MYBPC1: variants seen among roughly 807,000 people sequenced by gnomAD.
MYBPC1 encodes the protein myosin-binding protein C, slow-type.
A neutral mutation model predicts 147.1 loss-of-function variants in MYBPC1; 52 were observed. The ratio of observed to expected loss-of-function variants is 0.35; its 90% CI spans 0.28 to 0.45. The LOEUF is 0.45. Among genes scored for constraint, MYBPC1 ranks in the 20% least tolerant of loss-of-function variants. MYBPC1 has a pLI of 1.00. For missense variants in MYBPC1, 1,228 were observed against 1,440.3 expected, an observed-to-expected ratio of 0.85 and a Z score of 2.39; for synonymous variants, 477 against 475.9, an observed-to-expected ratio of 1.00 and a Z score of -0.03.
chr12:101,611,677 A>G (rs1884316785), intron 1 of MYBPC1, among the ~76,000 whole-genome samples: 1 of 152,242 alleles, frequency 6.6e-6, no homozygotes, highest in Admixed American at 6.5e-5. Context: ...GAGAAACAGA[A>G]ACATAAATAT....
chr12:101,695,056 T>C, the MYBPC1 span, among the ~76,000 whole-genome samples: 1 of 152,224 alleles, frequency 6.6e-6, no homozygotes, highest in Non-Finnish European at 1.5e-5. Context: ...ACACACATCT[T>C]CAACTTCACC....
rs1889355517 is a variant in MYBPC1, at chr12:101,629,437, G to C, written c.182G>C (p.Trp61Ser). The C allele has an allele frequency of 6.2e-7, 1 of 1,604,254 alleles. No individual in the cohort carries two copies. Among genetic ancestry groups the C allele is most frequent in the Admixed American group, 1.7e-5 (1 of 59,966 alleles). ...TTTCCTCCTTTCTGCTCATCAGACT[G>C]GACCCTTGTCGAAACTCCTCCTGGG... The part of the protein sequence containing the change: ...SRALERKDSD[W>S]TLVETPPGEE... The change falls in exon 6 of 32, where the codon TGG (tryptophan) becomes TCG (serine). Residue 61 changes from tryptophan (W) to serine (S), a missense_variant. This residue lies in a region of MYBPC1 where 151 missense variants were observed against 126.1 expected (regional missense o/e 1.20). Transcript: ENST00000361466.
chr12:101,617,203 A>C lies in MYBPC1; in HGVS notation c.63A>C (p.Glu21Asp), dbSNP rs766772727. Residue 21 changes from glutamate to aspartate, a missense_variant and splice_region_variant, in exon 3 of 32, where the codon GAA becomes GAC. This residue lies in a region of MYBPC1 where 151 missense variants were observed against 126.1 expected (regional missense o/e 1.20). Transcript: ENST00000361466. ...EVPAPAPPPE[E>D]PSKEKEAGTT... ...AATATGCTTGTACTTTCTACACAGA[A>C]CCAAGTAAAGAGAAGGAGGCCGGAA... The C allele has an allele frequency of 1.2e-6, 2 of 1,613,650 alleles. No individual in the cohort carries two copies. The highest frequency in any genetic ancestry group is 2.7e-5 in the African/African-American group (2 of 74,892).
At chr12:101,615,166 T>G (rs1330158437) in intron 2 of MYBPC1, among the ~76,000 whole-genome samples, 1 of 152,090 alleles carries the variant, frequency 6.6e-6, no homozygotes, top group Non-Finnish European at 1.5e-5. Context: ...ACACAATATA[T>G]GAAGCTTGTT....
intron 1 of MYBPC1, among the ~76,000 whole-genome samples, chr12:101,600,860 G>T (rs186036993): frequency 6.6e-6 from 1 of 152,318 alleles, no homozygotes; most frequent in East Asian, 1.9e-4. Context: ...CAGGATTAAA[G>T]TTCTAGCAAT....
chr12:101,612,687 G>A (rs1447017126), intron 1 of MYBPC1, among the ~76,000 whole-genome samples: 1 of 152,164 alleles, frequency 6.6e-6, no homozygotes, highest in Non-Finnish European at 1.5e-5. Context: ...GAAGTCCTTG[G>A]GCATGGCATG....
At chr12:101,622,131 G>A (rs1443767261) in intron 3 of MYBPC1, among the ~76,000 whole-genome samples, 5 of 152,014 alleles carry the variant, frequency 3.3e-5, no homozygotes, top group East Asian at 1.9e-4. Flanking sequence ...TCATCACCAC[G>A]TTTAGATAGA....
At chr12:101,623,089 A>G (rs1162624836) in intron 3 of MYBPC1, among the ~76,000 whole-genome samples, 1 of 152,216 alleles carries the variant, frequency 6.6e-6, no homozygotes, top group Non-Finnish European at 1.5e-5. Context: ...CTGTAATCCC[A>G]GCACTTTGGG....
rs775661125 is a variant in MYBPC1, at chr12:101,614,537, T to C, written c.61+6T>C. The C allele has an allele frequency of 1.2e-6, 2 of 1,613,244 alleles. No individual in the cohort carries two copies. The highest frequency in any genetic ancestry group is 4.5e-5 in the East Asian group (2 of 44,820). ...CCCAGCCCCACCCCCGGAAGGTGAG[T>C]AAAAACACTCACTCACACACGTTTG... On this transcript the variant is annotated splice_donor_region_variant and intron_variant, in intron 2 of 31. Coordinates refer to ENST00000361466, the MANE Select transcript of MYBPC1 (RefSeq NM_002465.4).
chr12:101,595,993 C>A (rs1277838426), intron 1 of MYBPC1, among the ~76,000 whole-genome samples: 1 of 151,758 alleles, frequency 6.6e-6, no homozygotes, highest in Non-Finnish European at 1.5e-5. Flanking sequence ...AATATTATTT[C>A]ATTTATATTC....
At chr12:101,686,936 C>T (rs1448487909), downstream of MYBPC1, among the ~76,000 whole-genome samples, 1 of 152,142 alleles carries the variant, frequency 6.6e-6, no homozygotes, top group Admixed American at 6.5e-5. Context: ...TGTTGCCTTA[C>T]TGGTTGTTAA....
chr12:101,674,133 G>A (rs749993499), intron 25 of MYBPC1, among the ~76,000 whole-genome samples: 1 of 152,118 alleles, frequency 6.6e-6, no homozygotes, highest in South Asian at 2.1e-4. Flanking sequence ...GAGATTTAAG[G>A]CATATATGTT....
intron 31 of MYBPC1, among the ~76,000 whole-genome samples, chr12:101,684,744 G>C (rs1951251269): frequency 6.6e-6 from 1 of 152,002 alleles, no homozygotes; most frequent in Non-Finnish European, 1.5e-5. Context: ...GTACATAAGT[G>C]GCATCATTTC....
Position 101,602,844 on chromosome 12 carries a change from C to A in MYBPC1, c.25+7749C>A, listed in dbSNP as rs7954541. 8.8e-3 allele frequency among the ~76,000 whole-genome samples: 1,345 copies of A among 152,294 alleles called. 17 individuals are homozygous for A. The highest frequency in any genetic ancestry group is 0.03 in the African/African-American group (1,267 of 41,556). On this transcript the variant is annotated intron_variant, in intron 1 of 31. Coordinates refer to ENST00000361466, the MANE Select transcript of MYBPC1 (RefSeq NM_002465.4). The stretch of plus-strand genomic sequence containing the variant: ...CAAATAAAAGGTCTATACTCCATGA[C>A]CTCTGTTGTGTTCTTACTGAAATGA...
chr12:101,658,746 G>A (rs1474886473), intron 18 of MYBPC1, among the ~76,000 whole-genome samples: 1 of 152,188 alleles, frequency 6.6e-6, no homozygotes, highest in Non-Finnish European at 1.5e-5. Flanking sequence ...TGGCTGATAT[G>A]AGGAAATTTT....
Position 101,659,817 on chromosome 12 carries a change from A to G in MYBPC1, c.1913A>G (p.Lys638Arg), listed in dbSNP as rs199905211. The G allele has an allele frequency of 3.7e-6, 6 of 1,614,126 alleles. No homozygotes were observed. The African/African-American group carries it at 4.0e-5, about 11-fold the overall frequency. ...GCTGGAGAGGCACATGCAAGCATCA[A>G]GGTTAAAGTTGTGGGTAAGTCCTCC... ...NEAGEAHASI[K>R]VKVVDFPDPP... The change falls in exon 19 of 32, where the codon AAG (lysine) becomes AGG (arginine). Residue 638 changes from lysine to arginine, a missense_variant. Physicochemically the swap from Lys to Arg is conservative, Grantham distance 26. Transcript: ENST00000361466.
At chr12:101,681,477 T>TA (rs1950936846) in intron 29 of MYBPC1, among the ~76,000 whole-genome samples, 1 of 146,704 alleles carries the variant, frequency 6.8e-6, no homozygotes, top group African/African-American at 2.5e-5. Context: ...CTTGGGTATT[T>TA]ATGTTTTTTA....
At chr12:101,652,884 G>A in intron 17 of MYBPC1, 100 bp downstream of exon 17, 1 of 1,162,348 alleles carries the variant, frequency 8.6e-7, no homozygotes. Flanking sequence ...GACATTTAAG[G>A]AAAAATACAT....
chr12:101,653,055 A>G (rs1894829799), intron 17 of MYBPC1, 60 bp from the exon 18 acceptor site: 10 of 1,574,470 alleles, frequency 6.4e-6, no homozygotes, highest in Non-Finnish European at 8.7e-6. Context: ...GCCAAACATT[A>G]GTGCAGATAT....
Sources: allele counts gnomAD v4.1 joint callset (sites outside exome capture counted in the v4.1 genomes callset), GRCh38; gene constraint gnomAD v4.1.1; regional missense constraint gnomAD v4.1.1; transcripts MANE v1.5; gene names NCBI Gene and HGNC (gene_info 2026-07-23, HGNC 2026-07-21).